The following KLHL13 variants were observed in gnomAD, a reference collection of about 807,000 sequenced individuals.
KLHL13 encodes kelch-like protein 13.
A neutral mutation model predicts 37.1 loss-of-function variants in KLHL13; 10 were observed. The ratio of observed to expected loss-of-function variants is 0.27; its 90% CI spans 0.17 to 0.46. KLHL13 has a LOEUF of 0.46. Ranked by LOEUF, KLHL13 falls within the 20% of genes least tolerant of loss-of-function variation. KLHL13 has a pLI of 1.00. For missense variants in KLHL13, 360 were observed against 509.3 expected, an observed-to-expected ratio of 0.71 and a Z score of 2.82; for synonymous variants, 163 against 181.2, an observed-to-expected ratio of 0.90 and a Z score of 0.81.
chrX:117,929,020 A>G (rs1478899098), intron 2 of KLHL13, among the ~76,000 whole-genome samples: 1 of 112,172 alleles, frequency 8.9e-6, no homozygotes, highest in Non-Finnish European at 1.9e-5. Flanking sequence ...TAGAGATTCT[A>G]TAAGTATTAA....
chrX:118,108,568 A>C (rs2055371246), intron 1 of KLHL13, among the ~76,000 whole-genome samples: 1 of 112,455 alleles, frequency 8.9e-6, no homozygotes, highest in Non-Finnish European at 1.9e-5. Context: ...TCAACCTCAA[A>C]GCACTTAATC....
intron 1 of KLHL13, among the ~76,000 whole-genome samples, chrX:117,994,427 A>AT (rs1179898932): frequency 1.8e-5 from 2 of 109,416 alleles, no homozygotes; most frequent in Admixed American, 9.7e-5. Flanking sequence ...TAATTTTTTT[A>AT]TTTTTTTAGA....
chrX:117,984,465 C>T (rs1197505439), intron 1 of KLHL13, among the ~76,000 whole-genome samples: 1 of 111,260 alleles, frequency 9.0e-6, no homozygotes, highest in African/African-American at 3.3e-5. Context: ...AGCACTACTG[C>T]ATTATTAAAT....
At chrX:117,976,503 C>T (rs1043665560), upstream of KLHL13, among the ~76,000 whole-genome samples, 4 of 111,802 alleles carry the variant, frequency 3.6e-5, no homozygotes, top group Admixed American at 1.9e-4. Context: ...AATTATAATT[C>T]CCATTACATT....
At chrX:117,940,422 C>T (rs1427221569) in intron 2 of KLHL13, among the ~76,000 whole-genome samples, 2 of 111,439 alleles carry the variant, frequency 1.8e-5, no homozygotes, top group African/African-American at 3.3e-5. Flanking sequence ...CTTGGCTACA[C>T]GGGCTCTTTT....
chrX:117,959,458 C>T (rs2053255468), intron 1 of KLHL13, among the ~76,000 whole-genome samples: 1 of 112,255 alleles, frequency 8.9e-6, no homozygotes, highest in Middle Eastern at 4.7e-3. Context: ...AAGAGAAGAG[C>T]TCTGATATAA....
At chrX:118,051,549 T>TAATA (rs1301768564) in intron 1 of KLHL13, among the ~76,000 whole-genome samples, 1 of 109,382 alleles carries the variant, frequency 9.1e-6, no homozygotes, top group African/African-American at 3.3e-5. Flanking sequence ...TCAAAAAAAG[T>TAATA]AATAAATAAA....
rs1932711248 is a variant in KLHL13 at position 117,935,140 on chromosome X, T to A, written c.240+10294A>T. 2.7e-5 allele frequency among the ~76,000 whole-genome samples: 3 copies of A among 112,178 alleles called. No homozygotes were observed. In the Admixed American group the frequency reaches 2.8e-4, roughly 11 times the overall value. ...CTCTAAGGTATATACCAAAAAGAAA[T>A]GAAAACATGTCCTCACGGACATTTA... is the stretch of plus-strand genomic sequence containing the variant. On this transcript the variant is annotated intron_variant, in intron 2 of 6. Coordinates refer to ENST00000262820, the Ensembl canonical transcript of KLHL13.
intron 1 of KLHL13, among the ~76,000 whole-genome samples, chrX:118,013,463 T>C (rs895722861): frequency 8.9e-6 from 1 of 111,845 alleles, no homozygotes; most frequent in African/African-American, 3.3e-5. Context: ...AAAGCAGCAA[T>C]GGAAATATAT....
intron 1 of KLHL13, among the ~76,000 whole-genome samples, chrX:118,092,105 A>C (rs1312797518): frequency 9.0e-6 from 1 of 111,723 alleles, no homozygotes; most frequent in African/African-American, 3.2e-5. Flanking sequence ...CACTGGGTAC[A>C]GTGTACACTG....
At chrX:118,110,441 C>G (rs1197155879) in intron 1 of KLHL13, among the ~76,000 whole-genome samples, 1 of 99,308 alleles carries the variant, frequency 1.0e-5, no homozygotes, top group Non-Finnish European at 2.0e-5. Flanking sequence ...TGCAGTGGCA[C>G]GATCTTGGCT....
intron 1 of KLHL13, among the ~76,000 whole-genome samples, chrX:117,951,592 T>A (rs761316755): frequency 2.8e-4 from 31 of 111,829 alleles, no homozygotes; most frequent in Non-Finnish European, 5.3e-4. Context: ...TAGTTACAGA[T>A]GAGATTTTAT....
intron 1 of KLHL13, among the ~76,000 whole-genome samples, chrX:118,090,105 A>T (rs1337496418): frequency 9.4e-6 from 1 of 106,892 alleles, no homozygotes; most frequent in Non-Finnish European, 1.9e-5. Context: ...AAAAAACTGG[A>T]TCCCTTCCTT....
At chrX:118,090,039 C>T (rs1429474878) in intron 1 of KLHL13, among the ~76,000 whole-genome samples, 29 of 101,981 alleles carry the variant, frequency 2.8e-4, no homozygotes, top group African/African-American at 7.9e-4. Context: ...CGAGATCATG[C>T]CACTTCACTC....
chrX:118,030,906 G>A (rs1156609122), intron 1 of KLHL13, among the ~76,000 whole-genome samples: 1 of 111,784 alleles, frequency 8.9e-6, no homozygotes, highest in Non-Finnish European at 1.9e-5. Flanking sequence ...CTCTGTTATA[G>A]CAGCACAAAA....
chrX:118,070,532 T>C (rs2054846764), intron 1 of KLHL13, among the ~76,000 whole-genome samples: 1 of 111,545 alleles, frequency 9.0e-6, no homozygotes, highest in Non-Finnish European at 1.9e-5. Flanking sequence ...TTAATAAATG[T>C]TCTGTCCATA....
intron 2 of KLHL13, among the ~76,000 whole-genome samples, chrX:117,943,522 TTTC>T (rs769332213): frequency 9.1e-6 from 1 of 109,591 alleles, no homozygotes; most frequent in Non-Finnish European, 1.9e-5. Context: ...GCTTTGTTCG[TTTC>T]TTTTCATTCT....
intron 1 of KLHL13, among the ~76,000 whole-genome samples, chrX:118,114,737 A>C (rs2055449569): frequency 8.9e-6 from 1 of 112,154 alleles, no homozygotes; most frequent in African/African-American, 3.2e-5. Flanking sequence ...ATCTAACTAA[A>C]TTGATAAGCA....
chrX:117,994,973 T>C (rs1381414165), intron 1 of KLHL13, among the ~76,000 whole-genome samples: 1 of 111,667 alleles, frequency 9.0e-6, no homozygotes, highest in African/African-American at 3.3e-5. Flanking sequence ...ACTTGAGTCA[T>C]AGAGTTCAAG....
Sources: allele counts gnomAD v4.1 joint callset (sites outside exome capture counted in the v4.1 genomes callset), GRCh38; gene constraint gnomAD v4.1.1; transcripts MANE v1.5; gene names NCBI Gene and HGNC (gene_info 2026-07-23, HGNC 2026-07-21).